CFAP20DC: variants seen among roughly 807,000 people sequenced by gnomAD.
CFAP20DC encodes the protein CFAP20 domain containing, also known as protein CFAP20DC.
Under a neutral mutation model 101.7 loss-of-function variants are expected in CFAP20DC, and 84 were observed. That is an observed-to-expected ratio of 0.83 (90% CI 0.69 to 0.99). The LOEUF is 0.99. Among genes scored for constraint, CFAP20DC ranks in the 50% least tolerant of loss-of-function variants. The pLI is 0.00. For missense variants in CFAP20DC, 1,007 were observed against 970.3 expected (o/e 1.04, Z -0.50); for synonymous variants, 359 against 351.2 (o/e 1.02, Z -0.25).
chr3:58,954,952 A>C (rs1011055908), intron 4 of CFAP20DC, among the ~76,000 whole-genome samples: 1 of 152,122 alleles, frequency 6.6e-6, no homozygotes, highest in East Asian at 1.9e-4. Context: ...TCATTAAGGT[A>C]GCAAAAAACC....
chr3:58,980,735 C>G (rs913632455), intron 4 of CFAP20DC, among the ~76,000 whole-genome samples: 4 of 152,100 alleles, frequency 2.6e-5, no homozygotes, highest in Non-Finnish European at 5.9e-5. Context: ...TATGACAAAC[C>G]CACAGCGAAT....
rs1450595497 is a variant in CFAP20DC at position 58,870,299 on chromosome 3, A to G, written c.726T>C (p.Ile242=). Residue 242 remains isoleucine (I), a synonymous_variant, in exon 8 of 17, where the codon ATT becomes ATC. Transcript: ENST00000482387. ...TCCGTGTAATACTTGTTCCTCTGTT[A>G]ATGAACTGATCTGTTTTGTTAAAGG... The part of the protein sequence containing the change: ...PLRSAESDQF[I]NRGTSITRNS... 1 of 1,613,770 alleles carries G rather than the reference A, an allele frequency of 6.2e-7. No homozygotes were observed. The highest frequency in any genetic ancestry group is 1.7e-5 in the Admixed American group (1 of 60,018).
chr3:58,806,585 C>A (rs1048036886), intron 14 of CFAP20DC, 129 bp from the exon 15 acceptor site: 1 of 705,378 alleles, frequency 1.4e-6, no homozygotes, highest in Admixed American at 2.1e-5. Context: ...GGTGGGAGGG[C>A]AGCCAAGACG....
chr3:58,831,807 T>C lies in CFAP20DC; in HGVS notation c.2054A>G (p.Asn685Ser). 6.2e-7 allele frequency: 1 copy of C among 1,614,132 alleles called. No individual in the cohort carries two copies. The highest frequency in any genetic ancestry group is 2.2e-5 in the East Asian group (1 of 44,884). ...QMLASLRWQQ[N>S]EELEDAGTSH... is the part of the protein sequence containing the mutation. ...GGTCCCAGCATCCTCCAGTTCTTCA[T>C]TTTGTTGCCACCGTAGGCTTGCTAG... is the stretch of plus-strand genomic sequence containing the variant. The change falls in exon 14 of 17, where the codon AAT becomes AGT. Residue 685 changes from asparagine to serine, a missense_variant. By Grantham distance (46) the Asn-to-Ser change is conservative. Coordinates refer to ENST00000482387, the MANE Select transcript of CFAP20DC (RefSeq NM_001394063.1).
rs1290295838 is a variant in CFAP20DC at position 58,885,697 on chromosome 3, T to C, written c.551-988A>G. Among the ~76,000 whole-genome samples, 3 of 151,336 alleles carry C rather than the reference T, an allele frequency of 2.0e-5. No individual in the cohort carries two copies. In the East Asian group the frequency reaches 5.8e-4, roughly 29 times the overall value. On this transcript the variant is annotated intron_variant, in intron 6 of 16. Coordinates refer to ENST00000482387, the MANE Select transcript of CFAP20DC (RefSeq NM_001394063.1). ...CAACTTTTTAAAGCTTCCACACGAG[T>C]GAGAACACGTGGCATTCAACTTTCT...
chr3:58,733,357 T>TAAA (rs112401961), intron 3 of CFAP20DC, among the ~76,000 whole-genome samples: 1 of 149,484 alleles, frequency 6.7e-6, no homozygotes, highest in African/African-American at 2.5e-5. Flanking sequence ...AGTATAATAA[T>TAAA]AAAAAAAACA....
intron 15 of CFAP20DC, among the ~76,000 whole-genome samples, chr3:58,784,492 C>G (rs1469265353): frequency 6.6e-6 from 1 of 152,084 alleles, no homozygotes; most frequent in African/African-American, 2.4e-5. Flanking sequence ...CGTAACAAAT[C>G]TGCACATGTA....
chr3:58,812,420 T>C (rs574492036), intron 14 of CFAP20DC, among the ~76,000 whole-genome samples: 12 of 152,040 alleles, frequency 7.9e-5, no homozygotes, highest in East Asian at 3.9e-4. Flanking sequence ...ATGGATGAAA[T>C]TGGAAATCAT....
intron 4 of CFAP20DC, among the ~76,000 whole-genome samples, chr3:58,942,560 C>T (rs2088763752): frequency 1.3e-5 from 2 of 152,198 alleles, no homozygotes; most frequent in African/African-American, 4.8e-5. Context: ...TATGCTTTTC[C>T]CATGGTCTTT....
chr3:58,884,445 T>C lies in CFAP20DC; in HGVS notation c.715+100A>G, dbSNP rs2081454545. On this transcript the variant is annotated intron_variant, in intron 7 of 16. Transcript: ENST00000482387. ...AGTATACTCTGTTAAGTGCGAAGGA[T>C]ATAGAAGAATGAGGTACAGTGCCCT... 2.7e-6 allele frequency: 3 copies of C among 1,094,802 alleles called. No individual in the cohort carries two copies. In the African/African-American group the frequency reaches 4.7e-5, roughly 17 times the overall value. 67.8% of individuals were successfully genotyped at this position (1,094,802 alleles called of 1,614,324 possible).
At chr3:58,762,189 T>A (rs867338578) in intron 15 of CFAP20DC, among the ~76,000 whole-genome samples, 87 of 152,218 alleles carry the variant, frequency 5.7e-4, no homozygotes, top group African/African-American at 1.8e-3. Context: ...TTTGTAGGTC[T>A]CTAAGGACTT....
At chr3:58,798,554 T>C (rs1398853834) in intron 15 of CFAP20DC, among the ~76,000 whole-genome samples, 1 of 152,210 alleles carries the variant, frequency 6.6e-6, no homozygotes, top group Non-Finnish European at 1.5e-5. Context: ...AACAAAGTAT[T>C]TGAAATATTA....
intron 4 of CFAP20DC, among the ~76,000 whole-genome samples, chr3:58,997,923 C>T (rs932050483): frequency 1.3e-5 from 2 of 152,062 alleles, no homozygotes; most frequent in Non-Finnish European, 2.9e-5. Flanking sequence ...AAATAAGATC[C>T]CATAGAAGGC....
At chr3:58,781,803 A>G (rs2071855927) in intron 15 of CFAP20DC, among the ~76,000 whole-genome samples, 1 of 152,098 alleles carries the variant, frequency 6.6e-6, no homozygotes, top group African/African-American at 2.4e-5. Context: ...AAGTCTACCA[A>G]TGAAGAAAAG....
chr3:58,824,759 C>T (rs1017238060), intron 14 of CFAP20DC, among the ~76,000 whole-genome samples: 1 of 152,008 alleles, frequency 6.6e-6, no homozygotes, highest in Non-Finnish European at 1.5e-5. Flanking sequence ...TTGATGGATG[C>T]ATGCAATGAG....
intron 6 of CFAP20DC, among the ~76,000 whole-genome samples, chr3:58,902,281 C>A (rs1415841914): frequency 1.3e-5 from 2 of 152,098 alleles, no homozygotes; most frequent in African/African-American, 4.8e-5. Flanking sequence ...GTTTGAATAC[C>A]TGTTTTCCAT....
intron 4 of CFAP20DC, among the ~76,000 whole-genome samples, chr3:58,991,121 A>C (rs1483144189): frequency 6.6e-6 from 1 of 152,222 alleles, no homozygotes; most frequent in Non-Finnish European, 1.5e-5. Flanking sequence ...AATCATGAAC[A>C]CTTGAATGAA....
intron 4 of CFAP20DC, among the ~76,000 whole-genome samples, chr3:58,956,909 A>T (rs1426121965): frequency 1.3e-5 from 2 of 152,162 alleles, no homozygotes; most frequent in East Asian, 3.9e-4. Flanking sequence ...ACTCACTATC[A>T]CGAGAATATG....
chr3:58,978,056 C>T (rs943414877), intron 4 of CFAP20DC, among the ~76,000 whole-genome samples: 13 of 152,104 alleles, frequency 8.5e-5, no homozygotes, highest in African/African-American at 2.7e-4. Flanking sequence ...GGAAAGGATC[C>T]GGAAGTAGGC....
Sources: gnomAD v4.1 joint callset for allele counts (sites outside exome capture counted in the v4.1 genomes callset) on GRCh38, gnomAD v4.1.1 for gene constraint, MANE v1.5 for transcripts, NCBI Gene and HGNC (gene_info 2026-07-23, HGNC 2026-07-21) for gene names.